The following SIRPD variants were observed in gnomAD, a reference collection of about 807,000 sequenced individuals.
The protein encoded by SIRPD is signal-regulatory protein delta.
A neutral mutation model predicts 18.0 loss-of-function variants in SIRPD; 21 were observed. That is an observed-to-expected ratio of 1.17 (90% CI 0.83 to 1.68). SIRPD has a LOEUF of 1.68. SIRPD is among the 40% of genes most tolerant of loss of function. SIRPD has a pLI of 0.00. For missense variants in SIRPD, 295 were observed against 238.4 expected, an observed-to-expected ratio of 1.24 and a Z score of -1.56; for synonymous variants, 106 against 92.9, an observed-to-expected ratio of 1.14 and a Z score of -0.81.
intron 2 of SIRPD, among the ~76,000 whole-genome samples, chr20:1,543,163 G>A (rs1346356220): frequency 1.3e-5 from 2 of 152,180 alleles, no homozygotes; most frequent in Non-Finnish European, 2.9e-5. Context: ...AGTTAGGGAG[G>A]AGTCCCTCTT....
chr20:1,553,421 C>G (rs1446304368), intron 1 of SIRPD, among the ~76,000 whole-genome samples: 2 of 152,068 alleles, frequency 1.3e-5, no homozygotes, highest in Admixed American at 6.6e-5. Flanking sequence ...TTGTTTTGGC[C>G]CAGGAGATAC....
intron 2 of SIRPD, among the ~76,000 whole-genome samples, chr20:1,544,607 G>T (rs1474315185): frequency 6.6e-6 from 1 of 152,058 alleles, no homozygotes; most frequent in Non-Finnish European, 1.5e-5. Flanking sequence ...GGGGCATTTA[G>T]CCCATTTACA....
At chr20:1,536,810 A>T (rs1043076207) in intron 3 of SIRPD, among the ~76,000 whole-genome samples, 2 of 152,022 alleles carry the variant, frequency 1.3e-5, no homozygotes, top group African/African-American at 4.8e-5. Context: ...TTCTCTCAGG[A>T]TGGCATCAGG....
Position 1,557,629 on chromosome 20 carries a change from G to A in SIRPD, c.25C>T (p.His9Tyr). The change falls in exon 1 of 4, where the codon CAC becomes TAC. Residue 9 changes from histidine (H) to tyrosine (Y), a missense_variant. Coordinates refer to ENST00000381623, the MANE Select transcript of SIRPD (RefSeq NM_178460.3). MPIPASPLHPPLPSLLLYL... is the reference protein window; with the variant it reads MPIPASPLYPPLPSLLLYL... ...AGCAGTAAGGAAGGCAGAGGTGGGT[G>A]GAGTGGGGAGGCAGGGATGGGCATT... 6.2e-7 allele frequency: 1 copy of A among 1,609,028 alleles called. No homozygotes were observed. Among genetic ancestry groups the A allele is most frequent in the Non-Finnish European group, 8.5e-7 (1 of 1,177,552 alleles).
intron 2 of SIRPD, among the ~76,000 whole-genome samples, chr20:1,547,830 AG>A (rs2091000321): frequency 1.3e-5 from 2 of 152,096 alleles, no homozygotes; most frequent in Non-Finnish European, 2.9e-5. Flanking sequence ...ATTTTTTTGT[AG>A]TTTTCAGAGT....
In SIRPD at chr20:1,537,224, G is replaced by A; in HGVS notation, c.508C>T (p.Leu170=). ...TAGTTTGTGCTGTTTCTCTCAGGCA[G>A]GGCCGAGAGGCAGGTATGGGCATCA... The part of the protein sequence containing the change: ...HHDAHTCLSA[L]PERNSTNYFV... The change falls in exon 3 of 4, where the codon CTG becomes TTG. Residue 170 remains leucine, a synonymous_variant. Transcript: ENST00000381623. The A allele has an allele frequency of 1.2e-6, 2 of 1,614,166 alleles. No homozygotes were observed. The highest frequency in any genetic ancestry group is 1.1e-5 in the South Asian group (1 of 91,076).
intron 2 of SIRPD, among the ~76,000 whole-genome samples, chr20:1,544,694 T>C (rs2090986305): frequency 6.6e-6 from 1 of 152,218 alleles, no homozygotes; most frequent in Non-Finnish European, 1.5e-5. Flanking sequence ...CATTAGTTGA[T>C]GCAGTTTCTT....
intron 3 of SIRPD, among the ~76,000 whole-genome samples, chr20:1,535,950 G>A (rs190999530): frequency 1.1e-4 from 17 of 152,294 alleles, no homozygotes; most frequent in African/African-American, 3.8e-4. Context: ...CAGTAGGCCA[G>A]GCTCCAGCCC....
At chr20:1,551,019 C>A (rs1405400056) in intron 2 of SIRPD, among the ~76,000 whole-genome samples, 1 of 152,204 alleles carries the variant, frequency 6.6e-6, no homozygotes, top group African/African-American at 2.4e-5. Context: ...GTTCAACACA[C>A]TACAACACAC....
intron 1 of SIRPD, chr20:1,553,940 T>C (rs886316910): frequency 3.3e-5 from 5 of 152,670 alleles, no homozygotes; most frequent in Non-Finnish European, 7.3e-5. Flanking sequence ...CATCAGGCTG[T>C]GCTCACCATT....
chr20:1,544,935 T>C (rs961999940), intron 2 of SIRPD, among the ~76,000 whole-genome samples: 1 of 152,214 alleles, frequency 6.6e-6, no homozygotes, highest in Admixed American at 6.5e-5. Context: ...GAATGTTGAA[T>C]GTTGGTCCTC....
At chr20:1,545,263 G>C (rs2090988749) in intron 2 of SIRPD, among the ~76,000 whole-genome samples, 1 of 152,106 alleles carries the variant, frequency 6.6e-6, no homozygotes, top group South Asian at 2.1e-4. Context: ...TCAAACGTAG[G>C]TTTGGTCTTT....
chr20:1,554,933 T>C (rs1288285394), intron 1 of SIRPD, among the ~76,000 whole-genome samples: 1 of 152,230 alleles, frequency 6.6e-6, no homozygotes, highest in Non-Finnish European at 1.5e-5. Context: ...TAGTACTTAA[T>C]TGCTCTTGTG....
intron 1 of SIRPD, among the ~76,000 whole-genome samples, chr20:1,555,871 C>T (rs1016381271): frequency 6.6e-6 from 1 of 152,186 alleles, no homozygotes; most frequent in South Asian, 2.1e-4. Flanking sequence ...CAAGGTCTCA[C>T]CAAGCTCCAC....
In SIRPD at chr20:1,553,172, G is replaced by T. The variant is rs8121406; in HGVS notation, c.74-1134C>A. 7.9e-3 allele frequency among the ~76,000 whole-genome samples: 1,210 copies of T among 152,320 alleles called. 17 individuals are homozygous for T. The highest frequency in any genetic ancestry group is 0.027 in the African/African-American group (1,136 of 41,570). ...GGCTTTTTGCAAAAAAGACTTTGGA[G>T]AGATTGATACACAAGACCCCTCATT... On this transcript the variant is annotated intron_variant, in intron 1 of 3. Coordinates refer to ENST00000381623, the MANE Select transcript of SIRPD (RefSeq NM_178460.3).
At chr20:1,555,225 A>G (rs1334367662) in intron 1 of SIRPD, among the ~76,000 whole-genome samples, 4 of 152,228 alleles carry the variant, frequency 2.6e-5, no homozygotes, top group Non-Finnish European at 5.9e-5. Context: ...GCACAGAAAG[A>G]CAAATACCAC....
chr20:1,553,690 C>T (rs921260596), intron 1 of SIRPD, among the ~76,000 whole-genome samples: 2 of 152,270 alleles, frequency 1.3e-5, no homozygotes, highest in Middle Eastern at 3.4e-3. Flanking sequence ...TTGTAAATGT[C>T]TCCTATGTCA....
chr20:1,551,276 A>C (rs1381439023), intron 2 of SIRPD, among the ~76,000 whole-genome samples: 1 of 152,184 alleles, frequency 6.6e-6, no homozygotes, highest in Non-Finnish European at 1.5e-5. Context: ...CTGGAGCAAC[A>C]CAGTTGCTTG....
chr20:1,541,165 G>C (rs1021117048), intron 2 of SIRPD, among the ~76,000 whole-genome samples: 1 of 152,194 alleles, frequency 6.6e-6, no homozygotes, highest in African/African-American at 2.4e-5. Flanking sequence ...TAATGGGATT[G>C]CTGGGTCAAA....
Sources: gnomAD v4.1 joint callset for allele counts (sites outside exome capture counted in the v4.1 genomes callset) on GRCh38, gnomAD v4.1.1 for gene constraint, MANE v1.5 for transcripts, NCBI Gene and HGNC (gene_info 2026-07-23, HGNC 2026-07-21) for gene names.